The following SORCS1 variants were observed in gnomAD, a reference collection of about 807,000 sequenced individuals.
The protein encoded by SORCS1 is VPS10 domain-containing receptor SorCS1.
Under a neutral mutation model 146.1 loss-of-function variants are expected in SORCS1, and 60 were observed. The observed-to-expected ratio is 0.41, with a 90% CI of 0.33 to 0.51. The LOEUF is 0.51. SORCS1 is among the 20% of genes least tolerant of loss of function. SORCS1 has a pLI of 0.21. For missense variants in SORCS1, 1,352 were observed against 1,487.6 expected, an observed-to-expected ratio of 0.91 and a Z score of 1.50; for synonymous variants, 637 against 584.0, an observed-to-expected ratio of 1.09 and a Z score of -1.31.
At chr10:106,731,133 C>A (rs1239029507) in intron 5 of SORCS1, among the ~76,000 whole-genome samples, 2 of 150,902 alleles carry the variant, frequency 1.3e-5, no homozygotes, top group Non-Finnish European at 1.5e-5. Context: ...CACGGTGAAA[C>A]CCCATCTCTA....
intron 19 of SORCS1, among the ~76,000 whole-genome samples, chr10:106,623,872 C>T (rs956381107): frequency 9.9e-5 from 15 of 151,902 alleles, no homozygotes; most frequent in East Asian, 3.9e-4. Context: ...TTAGTAGGTA[C>T]GGACTTTCAC....
In SORCS1 at chr10:106,652,571, C is replaced by T; in HGVS notation, c.2304-18G>A. 1 of 1,609,306 alleles carries T rather than the reference C, an allele frequency of 6.2e-7. No homozygotes were observed. The highest frequency in any genetic ancestry group is 1.1e-5 in the South Asian group (1 of 90,892). On this transcript the variant is annotated intron_variant, in intron 17 of 25. Transcript: ENST00000263054. ...TCCTGTACCTAAATGGAAAAAAGCT[C>T]AAGTCGTAAACCAGCTCATTATAAT... is the stretch of plus-strand genomic sequence containing the variant.
chr10:107,118,817 T>C (rs538491877), intron 1 of SORCS1, among the ~76,000 whole-genome samples: 1 of 152,222 alleles, frequency 6.6e-6, no homozygotes, highest in African/African-American at 2.4e-5. Context: ...TAAAATAACA[T>C]ATAACTATGT....
At chr10:106,781,294 A>T (rs1860877184) in intron 3 of SORCS1, among the ~76,000 whole-genome samples, 1 of 152,122 alleles carries the variant, frequency 6.6e-6, no homozygotes, top group Non-Finnish European at 1.5e-5. Flanking sequence ...ACTTTTTCGT[A>T]CCATTTCTTT....
intron 18 of SORCS1, among the ~76,000 whole-genome samples, chr10:106,631,705 T>G (rs970459128): frequency 2.0e-5 from 3 of 152,180 alleles, no homozygotes; most frequent in African/African-American, 7.2e-5. Context: ...ACACCTTCAG[T>G]CAACTCTACT....
chr10:106,926,498 C>G (rs914055307), intron 2 of SORCS1, among the ~76,000 whole-genome samples: 1 of 151,868 alleles, frequency 6.6e-6, no homozygotes, highest in African/African-American at 2.4e-5. Flanking sequence ...GAGATGATAC[C>G]CTTGAAGTGC....
Position 107,164,686 on chromosome 10 carries a change from G to A in SORCS1, c.-160C>T, listed in dbSNP as rs980523803. The stretch of plus-strand genomic sequence containing the variant: ...AGGCGGCGCCGGGCAGGTGGCGGCC[G>A]CTTGCCCGGGCTGGGCTTGTGCCGA... On this transcript the variant is annotated 5_prime_UTR_variant, in exon 1 of 26. Transcript: ENST00000263054. The surrounding 1 kb of genome is among the most constrained non-coding windows in gnomAD (Gnocchi z 6.8). Among the ~76,000 whole-genome samples, 1 of 150,842 alleles carries A rather than the reference G, an allele frequency of 6.6e-6. No individual in the cohort carries two copies. Among genetic ancestry groups the A allele is most frequent in the Non-Finnish European group, 1.5e-5 (1 of 67,626 alleles).
At chr10:107,122,139 G>A (rs1427591098) in intron 1 of SORCS1, among the ~76,000 whole-genome samples, 1 of 152,090 alleles carries the variant, frequency 6.6e-6, no homozygotes, top group Non-Finnish European at 1.5e-5. Flanking sequence ...GCACAAAGAG[G>A]TCACCTCATA....
At chr10:106,818,515 A>T (rs1947855631) in intron 3 of SORCS1, among the ~76,000 whole-genome samples, 1 of 151,918 alleles carries the variant, frequency 6.6e-6, no homozygotes, top group Non-Finnish European at 1.5e-5. Context: ...ACAGGCACGC[A>T]CCACCAGGCC....
chr10:106,779,497 T>C (rs915490784), intron 3 of SORCS1, among the ~76,000 whole-genome samples: 20 of 151,994 alleles, frequency 1.3e-4, no homozygotes, highest in African/African-American at 3.9e-4. Flanking sequence ...CTATTGTGGA[T>C]TGAGGATTTT....
At chr10:106,982,695 G>A (rs895064183) in intron 1 of SORCS1, among the ~76,000 whole-genome samples, 1 of 152,252 alleles carries the variant, frequency 6.6e-6, no homozygotes, top group Admixed American at 6.5e-5. Context: ...CACTATTACA[G>A]GTAAAAGATA....
chr10:107,125,198 G>A (rs988498006), intron 1 of SORCS1, among the ~76,000 whole-genome samples: 4 of 151,878 alleles, frequency 2.6e-5, no homozygotes, highest in Admixed American at 6.6e-5. Context: ...TAATCTGCAC[G>A]CCTTGGCCTC....
chr10:106,914,385 C>A (rs1051958916), intron 2 of SORCS1, among the ~76,000 whole-genome samples: 3 of 152,014 alleles, frequency 2.0e-5, no homozygotes, highest in Non-Finnish European at 2.9e-5. Flanking sequence ...TAAGTATGTG[C>A]GAGCAAAAAG....
In SORCS1 at chr10:107,164,392, G is replaced by A; in HGVS notation, c.135C>T (p.Ser45=). The A allele has an allele frequency of 7.0e-7, 1 of 1,438,082 alleles. No homozygotes were observed. The highest frequency in any genetic ancestry group is 9.1e-7 in the Non-Finnish European group (1 of 1,100,146). 89.1% of individuals were successfully genotyped at this position (1,438,082 alleles called of 1,614,324 possible). A position where few individuals can be genotyped will look rare whatever the true frequency, so the allele number is the denominator to read the frequency against. ...GSCCPSPHPS[S]APRSASTPRG... Reference sequence around the variant, plus strand: ...TAGGGGTCGAGGCCGAGCGTGGAGCGGAGCTGGGGTGCGGCGAGGGGCAGC... The same window carrying A: ...TAGGGGTCGAGGCCGAGCGTGGAGCAGAGCTGGGGTGCGGCGAGGGGCAGC... The change falls in exon 1 of 26, where the codon TCC becomes TCT. Residue 45 remains serine (S), a synonymous_variant. Coordinates refer to ENST00000263054, the MANE Select transcript of SORCS1 (RefSeq NM_052918.5). This position sits in a 1 kb window ranked among gnomAD's most constrained non-coding sequence, Gnocchi z 6.8.
chr10:107,092,073 GA>G (rs1308385191), intron 1 of SORCS1, among the ~76,000 whole-genome samples: 1 of 152,182 alleles, frequency 6.6e-6, no homozygotes, highest in East Asian at 1.9e-4. Flanking sequence ...GTTGATTTAG[GA>G]AGGAAGATAA....
chr10:106,979,813 C>T (rs952427415), intron 1 of SORCS1, among the ~76,000 whole-genome samples: 2 of 152,204 alleles, frequency 1.3e-5, no homozygotes, highest in African/African-American at 4.8e-5. Flanking sequence ...GGTGCCCTCA[C>T]TCTGCCACTG....
At chr10:106,862,955 A>G (rs999740929) in intron 2 of SORCS1, among the ~76,000 whole-genome samples, 1 of 152,230 alleles carries the variant, frequency 6.6e-6, no homozygotes, top group Non-Finnish European at 1.5e-5. Context: ...ATTGTCAAAT[A>G]TGCAAAGGCA....
At chr10:106,928,498 G>A (rs1013284166) in intron 2 of SORCS1, among the ~76,000 whole-genome samples, 3 of 152,238 alleles carry the variant, frequency 2.0e-5, no homozygotes, top group Non-Finnish European at 2.9e-5. Flanking sequence ...CCTGCAAGCT[G>A]AGGGAGCCAG....
At chr10:107,081,192 C>G (rs1169900793) in intron 1 of SORCS1, among the ~76,000 whole-genome samples, 1 of 152,148 alleles carries the variant, frequency 6.6e-6, no homozygotes, top group African/African-American at 2.4e-5. Context: ...AGAATCCAAT[C>G]TCATCAAACT....
Sources: gnomAD v4.1 joint callset for allele counts (sites outside exome capture counted in the v4.1 genomes callset) on GRCh38, gnomAD v4.1.1 for gene constraint, Gnocchi (gnomAD v3.1) non-coding constraint, MANE v1.5 for transcripts, NCBI Gene and HGNC (gene_info 2026-07-23, HGNC 2026-07-21) for gene names.